GRIN2B: variants seen among roughly 807,000 people sequenced by gnomAD.
The protein encoded by GRIN2B is glutamate receptor ionotropic, NMDA 2B.
Under a neutral mutation model 114.5 loss-of-function variants are expected in GRIN2B, and 5 were observed. The ratio of observed to expected loss-of-function variants is 0.04; its 90% confidence interval spans 0.02 to 0.09. The LOEUF is 0.09. Among genes scored for constraint, GRIN2B ranks in the 10% least tolerant of loss-of-function variants. The probability of loss-of-function intolerance (pLI) is 1.00; values close to 1 mark genes in which losing one functional copy is unlikely to be tolerated. For missense variants in GRIN2B, 1,108 were observed against 1,943.5 expected, an observed-to-expected ratio of 0.57 and a Z score of 8.08; for synonymous variants, 787 against 745.1, an observed-to-expected ratio of 1.06 and a Z score of -0.92.
intron 5 of GRIN2B, among the ~76,000 whole-genome samples, chr12:13,654,996 A>C (rs1949848759): frequency 6.6e-6 from 1 of 152,154 alleles, no homozygotes; most frequent in South Asian, 2.1e-4. Context: ...ATTTCAACGG[A>C]AGAAATGGAA....
chr12:13,912,926 G>A (rs1027213098), intron 2 of GRIN2B, among the ~76,000 whole-genome samples: 1 of 152,046 alleles, frequency 6.6e-6, no homozygotes, highest in African/African-American at 2.4e-5. Context: ...AAGTAGGCAG[G>A]CTCCTGGTCC....
At position 13,560,493 on chromosome 12, in the gene GRIN2B, A is replaced by C. The variant is rs1480894564; in HGVS notation, c.*2290T>G. On this transcript the variant is annotated 3_prime_UTR_variant, in exon 14 of 14. Coordinates refer to ENST00000609686, the MANE Select transcript of GRIN2B (RefSeq NM_000834.5). ...GTTCTAGATTGCTGTTCGCTAGGTT[A>C]GTTGGTTTGGTTTTTTTGTTTGAAA... The C allele has an allele frequency of 6.6e-6, 1 of 152,204 alleles. No individual in the cohort carries two copies. Among genetic ancestry groups the C allele is most frequent in the Non-Finnish European group, 1.5e-5 (1 of 68,058 alleles). 9.4% of individuals were successfully genotyped at this position (152,204 alleles called of 1,614,324 possible).
chr12:13,609,473 C>T (rs549754517), intron 9 of GRIN2B, among the ~76,000 whole-genome samples: 17 of 152,178 alleles, frequency 1.1e-4, no homozygotes, highest in Admixed American at 1.3e-4. Flanking sequence ...TAGAAGCTTG[C>T]GTGTAAAAGA....
At chr12:13,912,494 C>G (rs1334789123) in intron 2 of GRIN2B, among the ~76,000 whole-genome samples, 1 of 152,184 alleles carries the variant, frequency 6.6e-6, no homozygotes, top group Non-Finnish European at 1.5e-5. Flanking sequence ...ATTAGGGTTT[C>G]AGGGAGTATG....
intron 5 of GRIN2B, among the ~76,000 whole-genome samples, chr12:13,634,540 T>C (rs1023999605): frequency 2.6e-5 from 4 of 152,122 alleles, no homozygotes; most frequent in Non-Finnish European, 4.4e-5. Context: ...AGGAGCGTAG[T>C]TGAGCTGTCA....
chr12:13,564,705 C>T lies in GRIN2B; in HGVS notation c.2599-66G>A, dbSNP rs1484121630. Reference sequence around the variant, plus strand: ...GCTAGAAATGACCACAAAAAACACTCTCCCACCAATAATTGCTCCAACTGG... The same window carrying T: ...GCTAGAAATGACCACAAAAAACACTTTCCCACCAATAATTGCTCCAACTGG... On this transcript the variant is annotated intron_variant, in intron 13 of 13. Transcript: ENST00000609686. The surrounding 1 kb of genome is among the most constrained non-coding windows in gnomAD (Gnocchi z 4.8). 6 of 1,369,420 alleles carry T rather than the reference C, an allele frequency of 4.4e-6. No individual in the cohort carries two copies. The highest frequency in any genetic ancestry group is 6.2e-6 in the Non-Finnish European group (6 of 962,552). The allele number at this position is 1,369,420 out of a possible 1,614,324, so 84.8% of individuals were successfully genotyped here. A position where few individuals can be genotyped will look rare whatever the true frequency, so the allele number is the denominator to read the frequency against.
chr12:13,718,827 A>G (rs1340671461), intron 4 of GRIN2B, among the ~76,000 whole-genome samples: 1 of 152,062 alleles, frequency 6.6e-6, no homozygotes, highest in Admixed American at 6.6e-5. Context: ...GGCTCCCTTC[A>G]CGCTGTAAGT....
At chr12:13,865,768 C>T in intron 3 of GRIN2B, 30 bp downstream of exon 3, 1 of 1,566,332 alleles carries the variant, frequency 6.4e-7, no homozygotes, top group Non-Finnish European at 8.8e-7. Flanking sequence ...CACAAACCCT[C>T]AGGCCCTTCT....
rs1389036819 is a variant in GRIN2B, at chr12:13,556,446, C to T, written c.*6337G>A. 1 of 152,094 alleles carries T rather than the reference C, an allele frequency of 6.6e-6. No individual in the cohort carries two copies. Among genetic ancestry groups the T allele is most frequent in the Non-Finnish European group, 1.5e-5 (1 of 68,012 alleles). 9.4% of individuals were successfully genotyped at this position (152,094 alleles called of 1,614,324 possible). The stretch of plus-strand genomic sequence containing the variant: ...AACTAGCCTAGGGACATAGTACGTG[C>T]ACAATAGACGTTGGTTTAATTAAAC... On this transcript the variant is annotated 3_prime_UTR_variant, in exon 14 of 14. Coordinates refer to ENST00000609686, the MANE Select transcript of GRIN2B (RefSeq NM_000834.5).
intron 10 of GRIN2B, among the ~76,000 whole-genome samples, chr12:13,605,551 T>TCTCTCTCTCTCTCTCACACACA: frequency 3.0e-4 from 9 of 30,498 alleles, no homozygotes; most frequent in African/African-American, 7.2e-4. Flanking sequence ...TCTCTCTCTC[T>TCTCTCTCTCTCTCTCACACACA]GACACACACA....
At chr12:13,633,935 G>C (rs945261524) in intron 5 of GRIN2B, among the ~76,000 whole-genome samples, 2 of 151,478 alleles carry the variant, frequency 1.3e-5, no homozygotes, top group East Asian at 3.9e-4. Flanking sequence ...GTGCCGGAAT[G>C]ATGGAAGAGC....
rs919585970 is a variant in GRIN2B at position 13,556,266 on chromosome 12, A to G, written c.*6517T>C. Reference sequence around the variant, plus strand: ...AGCATAATGGATATCTTTGACTCCTACCCTGAAACCAGAAAATATTAAACT... The same window carrying G: ...AGCATAATGGATATCTTTGACTCCTGCCCTGAAACCAGAAAATATTAAACT... On this transcript the variant is annotated 3_prime_UTR_variant, in exon 14 of 14. Transcript: ENST00000609686. 1 of 152,166 alleles carries G rather than the reference A, an allele frequency of 6.6e-6. No homozygotes were observed. The highest frequency in any genetic ancestry group is 2.4e-5 in the African/African-American group (1 of 41,428). 9.4% of individuals were successfully genotyped at this position (152,166 alleles called of 1,614,324 possible). A position where few individuals can be genotyped will look rare whatever the true frequency, so the allele number is the denominator to read the frequency against.
chr12:13,612,874 A>T (rs1053063872), intron 8 of GRIN2B, among the ~76,000 whole-genome samples: 1 of 152,236 alleles, frequency 6.6e-6, no homozygotes, highest in African/African-American at 2.4e-5. Context: ...TAAACTCATA[A>T]CTAAGTGAAT....
intron 4 of GRIN2B, among the ~76,000 whole-genome samples, chr12:13,736,913 C>T (rs1863193550): frequency 6.6e-6 from 1 of 151,310 alleles, no homozygotes; most frequent in Non-Finnish European, 1.5e-5. Flanking sequence ...GCCTATAATC[C>T]CAGCTACTTG....
chr12:13,543,342 C>G lies in GRIN2B; in HGVS notation c.*19441G>C, dbSNP rs1052057834. The G allele has an allele frequency of 6.6e-6, 1 of 152,236 alleles. No individual in the cohort carries two copies. 9.4% of individuals were successfully genotyped at this position (152,236 alleles called of 1,614,324 possible). On this transcript the variant is annotated 3_prime_UTR_variant, in exon 14 of 14. Transcript: ENST00000609686. ...TTCTGACTCACTAACTGAGTGATCCCAGCTTGAATCTCAATCCTCTGCCTC... is the reference window on the plus strand; with the variant it reads ...TTCTGACTCACTAACTGAGTGATCCGAGCTTGAATCTCAATCCTCTGCCTC...
At chr12:13,930,219 AG>A (rs1867002305) in intron 2 of GRIN2B, among the ~76,000 whole-genome samples, 1 of 152,132 alleles carries the variant, frequency 6.6e-6, no homozygotes, top group Non-Finnish European at 1.5e-5. Context: ...AAATAATACA[AG>A]TTATTAACCT....
rs1948351811 is a variant in GRIN2B at position 13,546,957 on chromosome 12, C to T, written c.*15826G>A. ...CTCTCCACTAAGAGCCACTCACTAT[C>T]CCAGCACTTGATCTTGAGTTGAAGC... On this transcript the variant is annotated 3_prime_UTR_variant, in exon 14 of 14. Coordinates refer to ENST00000609686, the MANE Select transcript of GRIN2B (RefSeq NM_000834.5). 6.6e-6 allele frequency: 1 copy of T among 152,198 alleles called. No homozygotes were observed. The highest frequency in any genetic ancestry group is 1.5e-5 in the Non-Finnish European group (1 of 68,052). 9.4% of individuals were successfully genotyped at this position (152,198 alleles called of 1,614,324 possible).
intron 2 of GRIN2B, among the ~76,000 whole-genome samples, chr12:13,966,704 C>T (rs537564792): frequency 2.3e-4 from 35 of 152,248 alleles, no homozygotes; most frequent in Non-Finnish European, 4.9e-4. Flanking sequence ...GATCGAATAC[C>T]TAGTGGGTTG....
rs928735871 is a variant in GRIN2B at position 13,901,604 on chromosome 12, C to T, written c.-18-35378G>A. On this transcript the variant is annotated intron_variant, in intron 2 of 13. Transcript: ENST00000609686. ...AATAGGCGTATGTAATACTGGCTAC[C>T]GTCTTAGACAGTATAATAGTAAATA... Among the ~76,000 whole-genome samples the T allele has an allele frequency of 5.3e-5, 8 of 151,708 alleles. No individual in the cohort carries two copies. In the East Asian group the frequency reaches 5.8e-4, roughly 11 times the overall value.
Sources: gnomAD v4.1 joint callset for allele counts (sites outside exome capture counted in the v4.1 genomes callset) on GRCh38, gnomAD v4.1.1 for gene constraint, Gnocchi (gnomAD v3.1) non-coding constraint, MANE v1.5 for transcripts, NCBI Gene and HGNC (gene_info 2026-07-23, HGNC 2026-07-21) for gene names.